CSMD1: variants seen among roughly 807,000 people sequenced by gnomAD.
CSMD1 encodes CUB and sushi domain-containing protein 1.
CSMD1 carries 213 observed loss-of-function variants against 417.5 expected under a neutral mutation model. The ratio of observed to expected loss-of-function variants is 0.51; its 90% confidence interval spans 0.46 to 0.57. The LOEUF (loss-of-function observed/expected upper bound fraction) is 0.57. Among genes scored for constraint, CSMD1 ranks in the 20% least tolerant of loss-of-function variants. The pLI, the probability that CSMD1 is intolerant of heterozygous loss-of-function variation, is 0.00. For synonymous variants in CSMD1, 2,862 were observed against 1,736.8 expected (o/e 1.65, Z -16.11); for missense variants, 6,923 against 4,529.7 (o/e 1.53, Z -15.17).
intron 1 of CSMD1, among the ~76,000 whole-genome samples, chr8:4,957,403 G>A (rs1809191131): frequency 6.6e-6 from 1 of 152,112 alleles, no homozygotes; most frequent in Admixed American, 6.6e-5. Flanking sequence ...CAAATCTACG[G>A]GCACTATGGT....
chr8:3,202,453 C>T (rs948450414), intron 31 of CSMD1, among the ~76,000 whole-genome samples: 1 of 152,120 alleles, frequency 6.6e-6, no homozygotes, highest in Non-Finnish European at 1.5e-5. Flanking sequence ...GTGAACACAC[C>T]TCCTCCAAGT....
At chr8:4,151,981 T>C (rs1047327142) in intron 3 of CSMD1, among the ~76,000 whole-genome samples, 3 of 152,252 alleles carry the variant, frequency 2.0e-5, no homozygotes, top group East Asian at 3.9e-4. Context: ...TCCTTCCTGC[T>C]TGTGGTTTGC....
In CSMD1 at chr8:2,963,366, G is replaced by GCACCGGCGGCGGCTGAGGACACAGCA; in HGVS notation, c.9284_9309dup (p.Gln3104CysfsTer25). ...TCACTTCCCTCCACTGTTCCATTCT[G>GCACCGGCGGCGGCTGAGGACACAGCA]CACCGGCGGCGGCTGAGGACACAGC... On this transcript the variant is annotated frameshift_variant, in exon 60 of 70. Coordinates refer to ENST00000635120, the MANE Select transcript of CSMD1 (RefSeq NM_033225.6). LOFTEE classifies it high-confidence loss of function. 6.2e-7 allele frequency: 1 copy of GCACCGGCGGCGGCTGAGGACACAGCA among 1,613,922 alleles called. No individual in the cohort carries two copies. Among genetic ancestry groups the GCACCGGCGGCGGCTGAGGACACAGCA allele is most frequent in the Non-Finnish European group, 8.5e-7 (1 of 1,179,858 alleles).
At chr8:4,029,841 C>A (rs549774497) in intron 4 of CSMD1, among the ~76,000 whole-genome samples, 1 of 152,250 alleles carries the variant, frequency 6.6e-6, no homozygotes, top group East Asian at 1.9e-4. Context: ...ACTTCCTAGA[C>A]AAATGCAGGC....
At chr8:4,970,646 T>C (rs930606836) in intron 1 of CSMD1, among the ~76,000 whole-genome samples, 1 of 152,058 alleles carries the variant, frequency 6.6e-6, no homozygotes, top group Non-Finnish European at 1.5e-5. Context: ...CTTAAACACA[T>C]CATAAAAACA....
At chr8:3,936,514 G>C (rs1051419145) in intron 5 of CSMD1, among the ~76,000 whole-genome samples, 6 of 152,166 alleles carry the variant, frequency 3.9e-5, no homozygotes, top group South Asian at 2.1e-4. Flanking sequence ...GGATCCTTAA[G>C]AATTCTGCTA....
intron 3 of CSMD1, among the ~76,000 whole-genome samples, chr8:4,183,259 G>A (rs190317988): frequency 8.5e-5 from 13 of 152,234 alleles, no homozygotes; most frequent in African/African-American, 3.1e-4. Context: ...GCAGTAGACT[G>A]AAAATTTAAT....
intron 7 of CSMD1, among the ~76,000 whole-genome samples, chr8:3,637,636 A>G (rs1421083233): frequency 6.6e-6 from 1 of 152,174 alleles, no homozygotes; most frequent in Non-Finnish European, 1.5e-5. Flanking sequence ...TGGCACTATT[A>G]AAGTCTATGA....
At chr8:3,431,260 C>T (rs999841061) in intron 12 of CSMD1, among the ~76,000 whole-genome samples, 5 of 152,138 alleles carry the variant, frequency 3.3e-5, no homozygotes, top group African/African-American at 1.2e-4. Context: ...ACCTTCCCTC[C>T]CATGTGCAGA....
At position 4,531,006 on chromosome 8, in the gene CSMD1, C is replaced by A. The variant is rs531956931; in HGVS notation, c.302+106336G>T. ...GATGTGAGGCAAATCACATGAACTG[C>A]CACCCCATCCTCTCTGCCGCTCTCT... On this transcript the variant is annotated intron_variant, in intron 2 of 69. Coordinates refer to ENST00000635120, the MANE Select transcript of CSMD1 (RefSeq NM_033225.6). Among the ~76,000 whole-genome samples, 52 of 152,150 alleles carry A rather than the reference C, an allele frequency of 3.4e-4. No individual in the cohort carries two copies. In the South Asian group the frequency reaches 0.01, roughly 30 times the overall value.
At chr8:3,083,764 A>G (rs1263642318) in intron 49 of CSMD1, among the ~76,000 whole-genome samples, 1 of 143,006 alleles carries the variant, frequency 7.0e-6, no homozygotes, top group Non-Finnish European at 1.5e-5. Flanking sequence ...GGCTCAAGTC[A>G]TCCCTCCATC....
chr8:3,680,790 T>C (rs1799614622), intron 7 of CSMD1, among the ~76,000 whole-genome samples: 1 of 152,166 alleles, frequency 6.6e-6, no homozygotes, highest in African/African-American at 2.4e-5. Flanking sequence ...AAATTCTCAA[T>C]AAAATACTGG....
At chr8:3,748,678 G>C (rs893388227) in intron 6 of CSMD1, among the ~76,000 whole-genome samples, 1 of 152,224 alleles carries the variant, frequency 6.6e-6, no homozygotes, top group Admixed American at 6.5e-5. Context: ...GGAGAATGGG[G>C]AATGCATACG....
At chr8:3,520,785 T>C (rs1168106924) in intron 10 of CSMD1, among the ~76,000 whole-genome samples, 1 of 151,934 alleles carries the variant, frequency 6.6e-6, no homozygotes, top group Non-Finnish European at 1.5e-5. Context: ...CCAAACCCCA[T>C]CACCACATCT....
At chr8:4,544,545 A>T (rs11984709) in intron 2 of CSMD1, among the ~76,000 whole-genome samples, 39,875 of 152,006 alleles carry the variant, frequency 0.26, 5,471 homozygotes, top group South Asian at 0.38. Context: ...ATTACTTATA[A>T]GGCTTTAGAG....
chr8:4,741,669 C>T (rs565875104), intron 1 of CSMD1, among the ~76,000 whole-genome samples: 2 of 152,234 alleles, frequency 1.3e-5, no homozygotes, highest in South Asian at 4.1e-4. Flanking sequence ...AAGATCCGTT[C>T]AGTAAATCAC....
intron 56 of CSMD1, among the ~76,000 whole-genome samples, 167 bp downstream of exon 56, chr8:2,974,281 AGAC>A (rs1460500421): frequency 6.6e-6 from 1 of 152,256 alleles, no homozygotes; most frequent in African/African-American, 2.4e-5. Context: ...GCGAAGATGA[AGAC>A]AATATCTATA....
chr8:4,787,460 C>A, intron 1 of CSMD1: 1 of 794,506 alleles, frequency 1.3e-6, no homozygotes. Context: ...AAAGAATCAC[C>A]TGGAAGGAAA....
intron 3 of CSMD1, among the ~76,000 whole-genome samples, chr8:4,237,206 A>C (rs560098670): frequency 5.9e-5 from 9 of 152,290 alleles, no homozygotes; most frequent in Admixed American, 2.0e-4. Flanking sequence ...CAACTTTGCA[A>C]ATCAATTGTT....
Sources: allele counts gnomAD v4.1 joint callset (sites outside exome capture counted in the v4.1 genomes callset), GRCh38; gene constraint gnomAD v4.1.1; transcripts MANE v1.5; gene names NCBI Gene and HGNC (gene_info 2026-07-23, HGNC 2026-07-21).